Variants in PCNT observed in about 807,000 individuals in gnomAD.
PCNT encodes the protein kendrin.
Under a neutral mutation model 380.4 loss-of-function variants are expected in PCNT, and 319 were observed. The ratio of observed to expected loss-of-function variants is 0.84; its 90% CI spans 0.77 to 0.92. The LOEUF is 0.92. PCNT is among the 40% of genes least tolerant of loss of function. The probability of loss-of-function intolerance (pLI) is 0.00; values close to 1 mark genes in which losing one functional copy is unlikely to be tolerated. For synonymous variants in PCNT, 1,845 were observed against 1,735.2 expected (o/e 1.06, Z -1.57); for missense variants, 4,400 against 4,255.3 (o/e 1.03, Z -0.95).
chr21:46,407,340 CTTTTTTTTTT>C (rs899881614), intron 27 of PCNT, among the ~76,000 whole-genome samples: 1 of 106,434 alleles, frequency 9.4e-6, no homozygotes, highest in Non-Finnish European at 1.8e-5. Flanking sequence ...TATACTTTCT[CTTTTTTTTTT>C]TTTTTTTTTG....
chr21:46,397,494 T>G lies in PCNT; in HGVS notation c.4446T>G (p.Asp1482Glu), dbSNP rs767410674. ...KHLRNQRQFM[D>E]EQAAEREHER... ...TGCGCAACCAGCGGCAATTCATGGA[T>G]GTAAGAATTCTGAATAATACATTTT... The change falls in exon 22 of 47, where the codon GAT becomes GAG. Residue 1482 changes from aspartate (D) to glutamate (E), a missense_variant and splice_region_variant. Coordinates refer to ENST00000359568, the MANE Select transcript of PCNT (RefSeq NM_006031.6). 1.9e-6 allele frequency: 3 copies of G among 1,611,464 alleles called. No individual in the cohort carries two copies. In the African/African-American group the frequency reaches 4.0e-5, roughly 22 times the overall value.
Position 46,390,655 on chromosome 21 carries a change from A to T in PCNT, c.3841-15A>T, listed in dbSNP as rs369120182. 1 of 1,613,780 alleles carries T rather than the reference A, an allele frequency of 6.2e-7. No individual in the cohort carries two copies. The highest frequency in any genetic ancestry group is 1.1e-5 in the South Asian group (1 of 91,048). The stretch of plus-strand genomic sequence containing the variant: ...TTTTGATCTGGAGTTTTGATTTGCA[A>T]ATGTGTTTTAACAGCTGGAAGAAGC... On this transcript the variant is annotated splice_polypyrimidine_tract_variant and intron_variant, in intron 19 of 46. Coordinates refer to ENST00000359568, the MANE Select transcript of PCNT (RefSeq NM_006031.6).
intron 24 of PCNT, among the ~76,000 whole-genome samples, chr21:46,398,636 A>ACTCAT (rs2086290514): frequency 1.3e-5 from 2 of 151,842 alleles, no homozygotes; most frequent in South Asian, 4.2e-4. Context: ...TCGGGCAACC[A>ACTCAT]CTCATCTGTC....
chr21:46,369,828 C>T (rs2085054176), intron 15 of PCNT, among the ~76,000 whole-genome samples: 2 of 152,214 alleles, frequency 1.3e-5, no homozygotes, highest in East Asian at 1.9e-4. Context: ...GACCAAAGCC[C>T]TGGACAGGGT....
chr21:46,432,310 GC>G (rs2087803842), intron 38 of PCNT, 95 bp downstream of exon 38: 1 of 1,246,076 alleles, frequency 8.0e-7, no homozygotes, highest in Admixed American at 2.0e-5. Flanking sequence ...TTTATGTCTG[GC>G]CCTCTGACCT....
At chr21:46,444,927 T>C in intron 46 of PCNT, 106 bp downstream of exon 46, 1 of 1,059,768 alleles carries the variant, frequency 9.4e-7, no homozygotes, top group Non-Finnish European at 1.5e-6. Context: ...AACCAAAGTT[T>C]CAGTCTGAAC....
intron 22 of PCNT, 124 bp from the exon 23 acceptor site, chr21:46,397,890 T>G: frequency 1.4e-6 from 1 of 711,366 alleles, no homozygotes; most frequent in Admixed American, 2.1e-5. Context: ...ATGAGGGGGG[T>G]ATTTGGAGTC....
chr21:46,391,858 G>T (rs997659659), intron 21 of PCNT, among the ~76,000 whole-genome samples: 1 of 152,104 alleles, frequency 6.6e-6, no homozygotes, highest in Admixed American at 6.5e-5. Flanking sequence ...TTAAAATGTC[G>T]AGCCTGCAGG....
chr21:46,431,354 T>G lies in PCNT; in HGVS notation c.8065-175T>G. 14 of 1,456,656 alleles carry G rather than the reference T, an allele frequency of 9.6e-6. No individual in the cohort carries two copies. In the South Asian group the frequency reaches 1.9e-4, roughly 19 times the overall value. 90.2% of individuals were successfully genotyped at this position (1,456,656 alleles called of 1,614,324 possible). A position where few individuals can be genotyped will look rare whatever the true frequency, so the allele number is the denominator to read the frequency against. ...AGTATGTCATCTCCGCAGTCTGGGT[T>G]TTTTGTTACTTGATGAACTAACAAA... On this transcript the variant is annotated intron_variant, in intron 37 of 46. Coordinates refer to ENST00000359568, the MANE Select transcript of PCNT (RefSeq NM_006031.6).
At chr21:46,386,012 C>T in intron 17 of PCNT, 29 bp downstream of exon 17, 1 of 1,612,770 alleles carries the variant, frequency 6.2e-7, no homozygotes, top group Non-Finnish European at 8.5e-7. Flanking sequence ...CCGAGGCTGC[C>T]TTGTGGCCGC....
rs746264671 is a variant in PCNT at position 46,349,085 on chromosome 21, A to G, written c.1106A>G (p.His369Arg). The change falls in exon 7 of 47, where the codon CAT (histidine) becomes CGT (arginine). Residue 369 changes from histidine to arginine, a missense_variant. His to Arg is a conservative substitution (Grantham distance 29). Coordinates refer to ENST00000359568, the MANE Select transcript of PCNT (RefSeq NM_006031.6). ...CTACGCAAAGAACTGTCTGCAAAGC[A>G]TCAATCAGAAATGGAGGATTTACAA... ...ENLRKELSAK[H>R]QSEMEDLQNQ... 9 of 1,608,254 alleles carry G rather than the reference A, an allele frequency of 5.6e-6. No individual in the cohort carries two copies. Among genetic ancestry groups the G allele is most frequent in the Admixed American group, 3.3e-5 (2 of 60,022 alleles).
At chr21:46,443,705 A>T (rs1601227023) in intron 44 of PCNT, 105 bp from the exon 45 acceptor site, 1 of 1,075,966 alleles carries the variant, frequency 9.3e-7, no homozygotes, top group East Asian at 2.4e-5. Flanking sequence ...ATTGCCATAC[A>T]GGCTCTTAAA....
intron 30 of PCNT, 95 bp downstream of exon 30, chr21:46,416,934 A>G: frequency 7.8e-7 from 1 of 1,274,622 alleles, no homozygotes; most frequent in Non-Finnish European, 1.1e-6. Context: ...ACCTCCTGAC[A>G]GCACACACCT....
At chr21:46,358,327 C>T (rs1445759967) in intron 13 of PCNT, among the ~76,000 whole-genome samples, 2 of 152,348 alleles carry the variant, frequency 1.3e-5, no homozygotes, top group East Asian at 3.9e-4. Flanking sequence ...CCCTTTGCTC[C>T]TCCCTGTGAA....
Position 46,385,840 on chromosome 21 carries a change from C to G in PCNT, c.3321C>G (p.Asp1107Glu). The G allele has an allele frequency of 6.2e-7, 1 of 1,614,208 alleles. No homozygotes were observed. The highest frequency in any genetic ancestry group is 8.5e-7 in the Non-Finnish European group (1 of 1,180,030). ...ACCATTTTTCTCGATAGCTGAAAGA[C>G]CAGGTTTTATCCTTAAGTCACGAGA... is the stretch of plus-strand genomic sequence containing the variant. ...KKNHQVQQLKDQVLSLSHEIE... is the reference protein window; with the variant it reads ...KKNHQVQQLKEQVLSLSHEIE... The change falls in exon 17 of 47, where the codon GAC becomes GAG. Residue 1107 changes from aspartate to glutamate, a missense_variant. Transcript: ENST00000359568.
At position 46,346,723 on chromosome 21, in the gene PCNT, A is replaced by G. The variant is rs1187947268; in HGVS notation, c.721-20A>G. 1.3e-6 allele frequency: 2 copies of G among 1,589,256 alleles called. No individual in the cohort carries two copies. Among genetic ancestry groups the G allele is most frequent in the Admixed American group, 1.8e-5 (1 of 55,790 alleles). On this transcript the variant is annotated intron_variant, in intron 4 of 46. Coordinates refer to ENST00000359568, the MANE Select transcript of PCNT (RefSeq NM_006031.6). ...GGTTCTGACCATGGGCCCTTATCAGAGGCCTTTTCTCCGCCGCAGGCCGTG... is the reference window on the plus strand; with the variant it reads ...GGTTCTGACCATGGGCCCTTATCAGGGGCCTTTTCTCCGCCGCAGGCCGTG...
At chr21:46,429,237 G>C (rs1039137009) in intron 35 of PCNT, among the ~76,000 whole-genome samples, 3 of 151,724 alleles carry the variant, frequency 2.0e-5, no homozygotes, top group Non-Finnish European at 2.9e-5. Context: ...GCACATGCTC[G>C]TGAGGGGCAT....
chr21:46,414,857 C>A lies in PCNT; in HGVS notation c.6151-1212C>A, dbSNP rs549540300. On this transcript the variant is annotated intron_variant, in intron 29 of 46. Transcript: ENST00000359568. ...CTCCTCCTGGACACACAGACACCTACCCTCCTCCTGCTGGACACACAGCCA... is the reference window on the plus strand; with the variant it reads ...CTCCTCCTGGACACACAGACACCTAACCTCCTCCTGCTGGACACACAGCCA... Among the ~76,000 whole-genome samples, 461 of 148,892 alleles carry A rather than the reference C, an allele frequency of 3.1e-3. 4 individuals are homozygous for A. Among genetic ancestry groups the A allele is most frequent in the African/African-American group, 0.011 (440 of 39,672 alleles).
chr21:46,374,937 T>C (rs1314480037), intron 15 of PCNT, among the ~76,000 whole-genome samples: 1 of 151,646 alleles, frequency 6.6e-6, no homozygotes, highest in East Asian at 1.9e-4. Context: ...ATAGCTGGGA[T>C]GTCCTGTTCT....
Sources: allele counts gnomAD v4.1 joint callset (sites outside exome capture counted in the v4.1 genomes callset), GRCh38; gene constraint gnomAD v4.1.1; transcripts MANE v1.5; gene names NCBI Gene and HGNC (gene_info 2026-07-23, HGNC 2026-07-21).